The following PXDNL variants were observed in gnomAD, a reference collection of about 807,000 sequenced individuals.
The protein encoded by PXDNL is probable oxidoreductase PXDNL.
PXDNL carries 145 observed loss-of-function variants against 150.8 expected under a neutral mutation model. The observed-to-expected ratio is 0.96, with a 90% CI of 0.84 to 1.10. PXDNL has a LOEUF of 1.10. Among genes scored for constraint, PXDNL ranks in the 50% least tolerant of loss-of-function variants. PXDNL has a pLI of 0.00. For synonymous variants in PXDNL, 757 were observed against 725.7 expected (o/e 1.04, Z -0.69); for missense variants, 2,087 against 1,873.9 (o/e 1.11, Z -2.10).
intron 1 of PXDNL, among the ~76,000 whole-genome samples, chr8:51,733,396 C>T (rs761643144): frequency 6.6e-6 from 1 of 151,988 alleles, no homozygotes; most frequent in South Asian, 2.1e-4. Context: ...GATTTGCACA[C>T]CCTATGTTTT....
chr8:51,744,780 AAAG>A (rs2036958703), intron 1 of PXDNL, among the ~76,000 whole-genome samples: 1 of 150,018 alleles, frequency 6.7e-6, no homozygotes, highest in Admixed American at 6.6e-5. Context: ...GAGAGAAAGA[AAAG>A]AGAGAAAAAG....
intron 1 of PXDNL, among the ~76,000 whole-genome samples, chr8:51,710,621 G>A (rs554767353): frequency 2.6e-5 from 4 of 152,184 alleles, no homozygotes; most frequent in Admixed American, 1.3e-4. Flanking sequence ...CTTGGTAGCC[G>A]CCATTCTGCT....
At chr8:51,365,342 C>T (rs1806881260) in intron 19 of PXDNL, among the ~76,000 whole-genome samples, 1 of 152,198 alleles carries the variant, frequency 6.6e-6, no homozygotes, top group South Asian at 2.1e-4. Flanking sequence ...TAGTTGTTGG[C>T]ACTTCTTGTC....
chr8:51,349,596 G>C (rs1318758224), intron 19 of PXDNL, among the ~76,000 whole-genome samples: 1 of 152,204 alleles, frequency 6.6e-6, no homozygotes, highest in Non-Finnish European at 1.5e-5. Context: ...GCTTGTGGCA[G>C]GTGCCTAGTA....
At chr8:51,409,973 C>G (rs751643922) in intron 16 of PXDNL, among the ~76,000 whole-genome samples, 10 of 152,218 alleles carry the variant, frequency 6.6e-5, no homozygotes, top group Admixed American at 5.9e-4. Flanking sequence ...CTAACTTCTA[C>G]TCTGTGCCTT....
At chr8:51,686,703 C>CA (rs1815884076) in intron 1 of PXDNL, among the ~76,000 whole-genome samples, 2 of 151,648 alleles carry the variant, frequency 1.3e-5, no homozygotes, top group South Asian at 2.1e-4. Flanking sequence ...AAATCTAACT[C>CA]AAAAAAATCA....
chr8:51,618,584 TAA>T (rs1278545551), intron 2 of PXDNL, among the ~76,000 whole-genome samples: 2 of 152,180 alleles, frequency 1.3e-5, no homozygotes, highest in African/African-American at 2.4e-5. Flanking sequence ...GGCCTCGCAA[TAA>T]AAGTCAGTGC....
At chr8:51,417,091 T>C (rs184295762) in intron 14 of PXDNL, among the ~76,000 whole-genome samples, 566 of 152,296 alleles carry the variant, frequency 3.7e-3, no homozygotes, top group Non-Finnish European at 6.0e-3. Flanking sequence ...TGGGGACACA[T>C]TAGAATTAAT....
chr8:51,535,014 G>A (rs1183159636), intron 4 of PXDNL, among the ~76,000 whole-genome samples: 1 of 119,670 alleles, frequency 8.4e-6, no homozygotes, highest in Non-Finnish European at 1.6e-5. Context: ...CAGGAGGTGA[G>A]GGGCACCTCT....
intron 2 of PXDNL, among the ~76,000 whole-genome samples, chr8:51,653,133 A>G (rs944775056): frequency 6.6e-6 from 1 of 152,182 alleles, no homozygotes; most frequent in East Asian, 1.9e-4. Context: ...AAGATACTCA[A>G]TAGCCTGGGC....
intron 1 of PXDNL, among the ~76,000 whole-genome samples, chr8:51,655,239 T>C (rs1161860800): frequency 6.6e-6 from 1 of 152,202 alleles, no homozygotes; most frequent in Non-Finnish European, 1.5e-5. Context: ...TTCTACAAAG[T>C]ATTAAATCAA....
At chr8:51,708,281 G>A (rs938631019) in intron 1 of PXDNL, among the ~76,000 whole-genome samples, 2 of 152,230 alleles carry the variant, frequency 1.3e-5, no homozygotes, top group African/African-American at 4.8e-5. Flanking sequence ...CCTGGAGCAG[G>A]AAGGGGAGGC....
intron 17 of PXDNL, among the ~76,000 whole-genome samples, chr8:51,377,731 G>A (rs1272306059): frequency 1.3e-5 from 2 of 152,196 alleles, no homozygotes; most frequent in African/African-American, 2.4e-5. Flanking sequence ...TCGAATTCTC[G>A]TGGGGCCTCA....
intron 5 of PXDNL, among the ~76,000 whole-genome samples, chr8:51,492,515 G>A (rs1433889164): frequency 1.3e-5 from 2 of 152,188 alleles, no homozygotes; most frequent in Admixed American, 6.5e-5. Context: ...CAAGGGGTCA[G>A]GGAATTCCCT....
intron 4 of PXDNL, among the ~76,000 whole-genome samples, chr8:51,520,840 C>T (rs1342565962): frequency 1.3e-5 from 2 of 152,084 alleles, no homozygotes; most frequent in East Asian, 1.9e-4. Context: ...GTCATAAAAA[C>T]GCAAACATTC....
chr8:51,449,723 T>C (rs993076179), intron 10 of PXDNL, among the ~76,000 whole-genome samples: 1 of 152,216 alleles, frequency 6.6e-6, no homozygotes, highest in Non-Finnish European at 1.5e-5. Flanking sequence ...CGTGACTCTT[T>C]GATTGAATAA....
intron 1 of PXDNL, among the ~76,000 whole-genome samples, chr8:51,733,300 C>A (rs1207100653): frequency 6.6e-6 from 1 of 152,206 alleles, no homozygotes; most frequent in Non-Finnish European, 1.5e-5. Flanking sequence ...TTCTATGAAG[C>A]AGTTTAAGGC....
chr8:51,546,035 A>G (rs997351881), intron 4 of PXDNL, among the ~76,000 whole-genome samples: 3 of 152,344 alleles, frequency 2.0e-5, no homozygotes, highest in Admixed American at 2.0e-4. Flanking sequence ...TTGGACAGAC[A>G]GAACAGCATC....
chr8:51,645,371 T>C (rs943007198), intron 2 of PXDNL, among the ~76,000 whole-genome samples: 8 of 152,216 alleles, frequency 5.3e-5, no homozygotes, highest in Non-Finnish European at 8.8e-5. Context: ...CTGGGCATCC[T>C]GCGCCCTGAT....
Sources: allele counts gnomAD v4.1 joint callset (sites outside exome capture counted in the v4.1 genomes callset), GRCh38; gene constraint gnomAD v4.1.1; transcripts MANE v1.5; gene names NCBI Gene and HGNC (gene_info 2026-07-23, HGNC 2026-07-21).